Variants in C1D observed in about 807,000 individuals in gnomAD.
C1D encodes the protein C1D nuclear receptor corepressor, also known as nuclear nucleic acid-binding protein C1D.
In C1D, 10 loss-of-function variants were observed where a neutral mutation model predicts 17.5. The observed-to-expected ratio is 0.57, with a 90% CI of 0.35 to 0.97. The LOEUF is 0.97. Ranked by LOEUF, C1D falls within the 50% of genes least tolerant of loss-of-function variation. C1D has a pLI of 0.01. For synonymous variants in C1D, 49 were observed against 54.0 expected (o/e 0.91, Z 0.40); for missense variants, 136 against 160.1 (o/e 0.85, Z 0.81).
At chr2:68,048,092 C>T (rs1476576698) in intron 1 of C1D, among the ~76,000 whole-genome samples, 3 of 151,888 alleles carry the variant, frequency 2.0e-5, no homozygotes, top group Admixed American at 6.6e-5. Context: ...GTCTATAAAT[C>T]ATATAAAGCC....
intron 1 of C1D, among the ~76,000 whole-genome samples, chr2:68,051,742 A>G (rs1483406879): frequency 6.6e-6 from 1 of 151,004 alleles, no homozygotes; most frequent in Non-Finnish European, 1.5e-5. Flanking sequence ...ATACCTTCAG[A>G]GCTCATTATG....
Position 68,042,769 on chromosome 2 carries a change from T to C in C1D, c.*120A>G, listed in dbSNP as rs1670996114. 1 of 549,478 alleles carries C rather than the reference T, an allele frequency of 1.8e-6. No homozygotes were observed. Among genetic ancestry groups the C allele is most frequent in the Non-Finnish European group, 3.3e-6 (1 of 305,372 alleles). 34.0% of individuals were successfully genotyped at this position (549,478 alleles called of 1,614,324 possible). On this transcript the variant is annotated 3_prime_UTR_variant, in exon 5 of 5. Coordinates refer to ENST00000410067, the MANE Select transcript of C1D (RefSeq NM_173177.3). ...AGTATTTAGCTTTACATATTTACTG[T>C]GAATTTACATATTAATAAGAAACAC...
At chr2:68,062,551 C>T (rs1671665239) in intron 1 of C1D, among the ~76,000 whole-genome samples, 2 of 152,144 alleles carry the variant, frequency 1.3e-5, no homozygotes, top group Non-Finnish European at 2.9e-5. Flanking sequence ...AAGTTACTCC[C>T]CTAGACGTTC....
Position 68,046,307 on chromosome 2 carries a change from AT to A in C1D, c.205+36del, listed in dbSNP as rs1671119962. 4.9e-6 allele frequency: 7 copies of A among 1,418,724 alleles called. 1 individual carries two copies. The South Asian group carries it at 8.2e-5, about 17-fold the overall frequency. The allele number at this position is 1,418,724 out of a possible 1,614,324, so 87.9% of individuals were successfully genotyped here. A position where few individuals can be genotyped will look rare whatever the true frequency, so the allele number is the denominator to read the frequency against. Reference sequence around the variant, plus strand: ...TAAATCATCTTTCACACAATAAGTAATTTGCTTTCTAATTAATTCCAAAGTA... The same window carrying A: ...TAAATCATCTTTCACACAATAAGTAATTGCTTTCTAATTAATTCCAAAGTA... On this transcript the variant is annotated intron_variant, in intron 3 of 4. Transcript: ENST00000410067.
intron 2 of C1D, 165 bp from the exon 3 acceptor site, chr2:68,046,575 T>G: frequency 1.9e-6 from 1 of 534,084 alleles, no homozygotes. Context: ...GAAAATAATT[T>G]GTAAAAAGAA....
chr2:68,045,552 C>T (rs530085674), intron 4 of C1D, among the ~76,000 whole-genome samples: 6 of 151,978 alleles, frequency 3.9e-5, no homozygotes, highest in Admixed American at 3.3e-4. Context: ...AAGCTTTTAG[C>T]TTTGTTGCTG....
In C1D at chr2:68,053,535, C is replaced by T. The variant is rs568808233; in HGVS notation, c.-9-6216G>A. Among the ~76,000 whole-genome samples, 164 of 152,290 alleles carry T rather than the reference C, an allele frequency of 1.1e-3. 1 individual carries two copies. The Middle Eastern group carries it at 0.024, about 22-fold the overall frequency. On this transcript the variant is annotated intron_variant, in intron 1 of 4. Transcript: ENST00000410067. ...TTTCAACAGCCTTTGAGTAGTGTCCCTATTATCAATTTTTCTCCACTCCCA... is the reference window on the plus strand; with the variant it reads ...TTTCAACAGCCTTTGAGTAGTGTCCTTATTATCAATTTTTCTCCACTCCCA...
intron 1 of C1D, among the ~76,000 whole-genome samples, chr2:68,055,726 A>G (rs2103811976): frequency 6.6e-6 from 1 of 152,342 alleles, no homozygotes; most frequent in South Asian, 2.1e-4. Flanking sequence ...TTGAGGATGC[A>G]CACTGAAGTA....
At chr2:68,052,368 A>G (rs889880566) in intron 1 of C1D, among the ~76,000 whole-genome samples, 1 of 152,150 alleles carries the variant, frequency 6.6e-6, no homozygotes, top group Admixed American at 6.5e-5. Context: ...CAAAAAGCAC[A>G]TATTAAATTT....
chr2:68,046,454 GA>G (rs746886488), intron 2 of C1D, 44 bp from the exon 3 acceptor site: 19 of 1,312,282 alleles, frequency 1.4e-5, no homozygotes, highest in East Asian at 2.3e-5. Context: ...AAGTGAGACA[GA>G]AAAAAAATAC....
chr2:68,048,100 G>T (rs569234422), intron 1 of C1D, among the ~76,000 whole-genome samples: 2 of 151,976 alleles, frequency 1.3e-5, no homozygotes, highest in East Asian at 3.9e-4. Context: ...ATCATATAAA[G>T]CCCATAAGCA....
At chr2:68,051,176 T>TG (rs1260304177) in intron 1 of C1D, among the ~76,000 whole-genome samples, 5 of 152,212 alleles carry the variant, frequency 3.3e-5, no homozygotes, top group African/African-American at 1.2e-4. Context: ...GCCATGCTTC[T>TG]GCTCAGAAAC....
chr2:68,057,710 A>C (rs566821486), intron 1 of C1D, among the ~76,000 whole-genome samples: 4 of 152,330 alleles, frequency 2.6e-5, no homozygotes, highest in African/African-American at 9.6e-5. Flanking sequence ...TCAAATTTTG[A>C]AATTTACTTT....
In C1D at chr2:68,051,904, G is replaced by A. The variant is rs557670588; in HGVS notation, c.-9-4585C>T. 1.1e-4 allele frequency among the ~76,000 whole-genome samples: 16 copies of A among 151,682 alleles called. No individual in the cohort carries two copies. The East Asian group carries it at 1.7e-3, about 17-fold the overall frequency. On this transcript the variant is annotated intron_variant, in intron 1 of 4. Transcript: ENST00000410067. ...AACTAACATATATTTATTTGTTGCC[G>A]GTCTACTGCCAAAAGGCAACTGCAT...
chr2:68,059,485 G>A (rs1290143738), intron 1 of C1D, among the ~76,000 whole-genome samples: 2 of 152,062 alleles, frequency 1.3e-5, no homozygotes, highest in Non-Finnish European at 2.9e-5. Context: ...AAACAAAAGT[G>A]GTCTCTTCTT....
Position 68,042,952 on chromosome 2 carries a change from G to A in C1D, c.363C>T (p.Ala121=), listed in dbSNP as rs770062551. 4.1e-5 allele frequency: 66 copies of A among 1,609,264 alleles called. No individual in the cohort carries two copies. Among genetic ancestry groups the A allele is most frequent in the Admixed American group, 2.2e-4 (13 of 59,608 alleles). ...RGAASRFVKN[A]LWEPKSKNAS... ...CATTTTTCGATTTTGGTTCCCAGAG[G>A]GCATTTTTTACAAATCTTGAAGCTG... The change falls in exon 5 of 5, where the codon GCC becomes GCT. Residue 121 remains alanine (A), a synonymous_variant. Transcript: ENST00000410067.
intron 1 of C1D, among the ~76,000 whole-genome samples, chr2:68,060,108 A>G (rs996290766): frequency 1.3e-5 from 2 of 152,214 alleles, no homozygotes; most frequent in African/African-American, 4.8e-5. Context: ...CTCAAGCCCC[A>G]AACTTTGACA....
chr2:68,053,630 C>T (rs1409728081), intron 1 of C1D, among the ~76,000 whole-genome samples: 1 of 152,216 alleles, frequency 6.6e-6, no homozygotes, highest in Non-Finnish European at 1.5e-5. Flanking sequence ...AATTCTGCAA[C>T]AGTTCCCTCC....
rs746393231 is a variant in C1D, at chr2:68,060,674, G to A, written c.-10+2284C>T. 3.3e-5 allele frequency among the ~76,000 whole-genome samples: 5 copies of A among 151,750 alleles called. No individual in the cohort carries two copies. In the South Asian group the frequency reaches 6.2e-4, roughly 19 times the overall value. On this transcript the variant is annotated intron_variant, in intron 1 of 4. Coordinates refer to ENST00000410067, the MANE Select transcript of C1D (RefSeq NM_173177.3). ...GGGGCGAGATGGGGTGGGGCAGGGC[G>A]GGCAAGGGCAGAGCAGGGCAGGAAA...
Sources: allele counts gnomAD v4.1 joint callset (sites outside exome capture counted in the v4.1 genomes callset), GRCh38; gene constraint gnomAD v4.1.1; transcripts MANE v1.5; gene names NCBI Gene and HGNC (gene_info 2026-07-23, HGNC 2026-07-21).